NFIB: variants seen among roughly 807,000 people sequenced by gnomAD.
The protein encoded by NFIB is nuclear factor I B.
A neutral mutation model predicts 61.5 loss-of-function variants in NFIB; 11 were observed. That is an observed-to-expected ratio of 0.18 (90% CI 0.11 to 0.30). The LOEUF (loss-of-function observed/expected upper bound fraction) is 0.30, where lower values mean the gene tolerates loss of function less well. NFIB is among the 10% of genes least tolerant of loss of function. The pLI is 1.00. For synonymous variants in NFIB, 260 were observed against 216.5 expected, an observed-to-expected ratio of 1.20 and a Z score of -1.76; for missense variants, 471 against 608.9, an observed-to-expected ratio of 0.77 and a Z score of 2.38.
At chr9:14,311,604 G>A (rs2060282518) in intron 1 of NFIB, among the ~76,000 whole-genome samples, 1 of 152,108 alleles carries the variant, frequency 6.6e-6, no homozygotes, top group African/African-American at 2.4e-5. Flanking sequence ...TGATTATGCT[G>A]TATATGATCC....
intron 2 of NFIB, among the ~76,000 whole-genome samples, chr9:14,246,772 A>G (rs1473004473): frequency 6.6e-6 from 1 of 152,132 alleles, no homozygotes; most frequent in African/African-American, 2.4e-5. Context: ...TTCACAGAAA[A>G]CCACTAATAT....
At chr9:14,528,436 A>T in the NFIB span, among the ~76,000 whole-genome samples, 1 of 152,196 alleles carries the variant, frequency 6.6e-6, no homozygotes, top group African/African-American at 2.4e-5. Context: ...TCAACAAAGA[A>T]TAACCTTGGA....
At chr9:14,134,985 T>C (rs1281200752) in intron 6 of NFIB, among the ~76,000 whole-genome samples, 1 of 149,834 alleles carries the variant, frequency 6.7e-6, no homozygotes, top group African/African-American at 2.5e-5. Context: ...CAAAATAGCA[T>C]ATATCATATA....
At chr9:14,505,534 C>A in the NFIB span, among the ~76,000 whole-genome samples, 1 of 152,154 alleles carries the variant, frequency 6.6e-6, no homozygotes, top group African/African-American at 2.4e-5. Context: ...CCCCTGATAA[C>A]TGGGGACTAG....
chr9:14,485,770 G>C, the NFIB span, among the ~76,000 whole-genome samples: 1 of 152,112 alleles, frequency 6.6e-6, no homozygotes, highest in Non-Finnish European at 1.5e-5. Context: ...AGCTACTCAG[G>C]AGGCTGAGGC....
chr9:14,495,446 C>CTTTTTATTTTTTTTTTTTTTTTTTTTTTT, the NFIB span, among the ~76,000 whole-genome samples: 1 of 117,264 alleles, frequency 8.5e-6, no homozygotes, highest in African/African-American at 3.8e-5. Context: ...GAGAAATGAA[C>CTTTTTATTTTTTTTTTTTTTTTTTTTTTT]TTTTTTTTTT....
intron 2 of NFIB, among the ~76,000 whole-genome samples, chr9:14,262,774 T>TTTTGTTTA (rs1401182131): frequency 6.6e-6 from 1 of 151,876 alleles, no homozygotes; most frequent in Non-Finnish European, 1.5e-5. Flanking sequence ...GCTGTTTGTT[T>TTTTGTTTA]TTTGTTTATT....
the NFIB span, among the ~76,000 whole-genome samples, chr9:14,414,448 A>G: frequency 7.2e-3 from 1,034 of 143,652 alleles, 6 homozygotes; most frequent in African/African-American, 0.019. Context: ...AAAAAAAAAA[A>G]AAAGAAAACG....
chr9:14,178,757 G>A (rs1040467675), intron 3 of NFIB, among the ~76,000 whole-genome samples: 27 of 152,164 alleles, frequency 1.8e-4, no homozygotes, highest in Admixed American at 1.3e-3. Flanking sequence ...CAATTTTGGT[G>A]TTCTTCTGGT....
intron 2 of NFIB, among the ~76,000 whole-genome samples, chr9:14,208,249 C>CT (rs2049954011): frequency 1.3e-5 from 2 of 151,962 alleles, no homozygotes; most frequent in African/African-American, 4.8e-5. Context: ...AAAAAAAAGA[C>CT]TAAGAGAGTA....
chr9:14,319,622 C>G (rs2060618732), intron 1 of NFIB, among the ~76,000 whole-genome samples: 1 of 152,056 alleles, frequency 6.6e-6, no homozygotes, highest in Non-Finnish European at 1.5e-5. Flanking sequence ...CTTCTATTAC[C>G]CATATACACA....
the NFIB span, among the ~76,000 whole-genome samples, chr9:14,415,016 C>G: frequency 2.0e-5 from 3 of 152,190 alleles, no homozygotes; most frequent in African/African-American, 7.2e-5. Flanking sequence ...TTCTGTGGGG[C>G]AGGAGTCAGA....
intron 2 of NFIB, among the ~76,000 whole-genome samples, chr9:14,180,980 C>T (rs1362448346): frequency 6.6e-6 from 1 of 152,204 alleles, no homozygotes; most frequent in Non-Finnish European, 1.5e-5. Context: ...TTCCCCCAAA[C>T]CTTGCCATTA....
At chr9:14,105,531 T>A (rs1368448293) in intron 10 of NFIB, among the ~76,000 whole-genome samples, 6 of 152,168 alleles carry the variant, frequency 3.9e-5, no homozygotes, top group African/African-American at 1.4e-4. Flanking sequence ...GTTGGTTTTT[T>A]TCAATTAATA....
the NFIB span, among the ~76,000 whole-genome samples, chr9:14,453,501 A>G: frequency 2.6e-5 from 4 of 152,250 alleles, no homozygotes; most frequent in African/African-American, 4.8e-5. Flanking sequence ...GGAACTAAGC[A>G]CTTTAATGTC....
intron 10 of NFIB, among the ~76,000 whole-genome samples, chr9:14,101,067 A>C (rs73409964): frequency 0.092 from 13,998 of 152,230 alleles, 1,893 homozygotes; most frequent in African/African-American, 0.3. Context: ...TCAATTAAAT[A>C]AACTTTAAAA....
intron 2 of NFIB, among the ~76,000 whole-genome samples, chr9:14,292,094 T>C (rs2059142318): frequency 1.3e-5 from 2 of 152,332 alleles, no homozygotes; most frequent in South Asian, 4.1e-4. Context: ...GTTTAATCAT[T>C]ATTTTTCTTC....
At position 14,307,029 on chromosome 9, in the gene NFIB, C is replaced by T. The variant is rs1001932095; in HGVS notation, c.522G>A (p.Lys174=). 6.2e-7 allele frequency: 1 copy of T among 1,614,134 alleles called. No homozygotes were observed. The highest frequency in any genetic ancestry group is 8.5e-7 in the Non-Finnish European group (1 of 1,180,014). Residue 174 remains lysine, a synonymous_variant, in exon 2 of 11, where the codon AAG becomes AAA. Coordinates refer to ENST00000380953, the MANE Select transcript of NFIB (RefSeq NM_001190737.2). The surrounding 1 kb of genome is among the most constrained non-coding windows in gnomAD (Gnocchi z 5.3). ...AGTATGCCAAAAACAAATCAAGCTC[C>T]TTAACTGATACTGTGATATGATGTG... ...VQPHHITVSV[K]ELDLFLAYYV...
At chr9:14,208,131 C>T (rs765105526) in intron 2 of NFIB, among the ~76,000 whole-genome samples, 7 of 152,182 alleles carry the variant, frequency 4.6e-5, no homozygotes, top group African/African-American at 2.4e-5. Context: ...CATCTTTCCA[C>T]TTTTATTCCA....
Sources: allele counts gnomAD v4.1 joint callset (sites outside exome capture counted in the v4.1 genomes callset), GRCh38; gene constraint gnomAD v4.1.1; non-coding constraint Gnocchi (gnomAD v3.1); transcripts MANE v1.5; gene names NCBI Gene and HGNC (gene_info 2026-07-23, HGNC 2026-07-21).